ASB3: variants seen among roughly 807,000 people sequenced by gnomAD.
The protein encoded by ASB3 is ankyrin repeat and SOCS box protein 3.
Under a neutral mutation model 54.5 loss-of-function variants are expected in ASB3, and 41 were observed. That is an observed-to-expected ratio of 0.75 (90% CI 0.59 to 0.98). The LOEUF (loss-of-function observed/expected upper bound fraction) is 0.98, where lower values mean the gene tolerates loss of function less well. Among genes scored for constraint, ASB3 ranks in the 50% least tolerant of loss-of-function variants. The probability of loss-of-function intolerance (pLI) is 0.00; values close to 1 mark genes in which losing one functional copy is unlikely to be tolerated. For missense variants in ASB3, 733 were observed against 620.0 expected, an observed-to-expected ratio of 1.18 and a Z score of -1.94; for synonymous variants, 266 against 221.2, an observed-to-expected ratio of 1.20 and a Z score of -1.80.
intron 7 of ASB3, among the ~76,000 whole-genome samples, chr2:53,704,147 G>A (rs1669640106): frequency 6.6e-6 from 1 of 151,996 alleles, no homozygotes; most frequent in Admixed American, 6.6e-5. Flanking sequence ...GATCACTTGA[G>A]GCCAGGAGTT....
chr2:53,711,782 A>AC (rs1332643608), intron 7 of ASB3, among the ~76,000 whole-genome samples: 1 of 151,940 alleles, frequency 6.6e-6, no homozygotes, highest in African/African-American at 2.4e-5. Context: ...AAAAAAAAAA[A>AC]GGAAAAAGAA....
chr2:53,690,911 T>C (rs1359514466), intron 9 of ASB3, among the ~76,000 whole-genome samples: 1 of 152,192 alleles, frequency 6.6e-6, no homozygotes, highest in African/African-American at 2.4e-5. Flanking sequence ...TAGAATTATA[T>C]ATATCTAATC....
At chr2:53,762,192 T>C (rs1673183577) in intron 2 of ASB3, among the ~76,000 whole-genome samples, 1 of 151,904 alleles carries the variant, frequency 6.6e-6, no homozygotes, top group Non-Finnish European at 1.5e-5. Flanking sequence ...TGTGTGTGTG[T>C]GTATACATAC....
chr2:53,697,870 C>T (rs1274013345), intron 8 of ASB3, among the ~76,000 whole-genome samples: 1 of 152,178 alleles, frequency 6.6e-6, no homozygotes, highest in African/African-American at 2.4e-5. Context: ...CAGTCCCACC[C>T]CTATGGCGCC....
At chr2:53,769,677 T>C (rs914983589) in intron 1 of ASB3, among the ~76,000 whole-genome samples, 1 of 151,334 alleles carries the variant, frequency 6.6e-6, no homozygotes, top group Non-Finnish European at 1.5e-5. Flanking sequence ...AGAAACCCCC[T>C]GTCTACTAAA....
chr2:53,678,414 A>G (rs1372703136), intron 9 of ASB3, among the ~76,000 whole-genome samples: 1 of 152,238 alleles, frequency 6.6e-6, no homozygotes, highest in Non-Finnish European at 1.5e-5. Context: ...ATGTTGGTTC[A>G]CTTGTGCTTG....
At chr2:53,713,744 C>T (rs1360413058) in intron 7 of ASB3, among the ~76,000 whole-genome samples, 1 of 152,046 alleles carries the variant, frequency 6.6e-6, no homozygotes, top group Non-Finnish European at 1.5e-5. Flanking sequence ...GAAACCCCAT[C>T]TCTACTAAAA....
chr2:53,766,305 T>G (rs1452817481), intron 1 of ASB3, among the ~76,000 whole-genome samples: 1 of 152,178 alleles, frequency 6.6e-6, no homozygotes, highest in African/African-American at 2.4e-5. Context: ...TCACTTCAAG[T>G]TCCCCTCCAG....
At chr2:53,735,485 T>TAAAAAAAAAAAAAAAAAAAAA (rs11414333) in intron 3 of ASB3, among the ~76,000 whole-genome samples, 1 of 130,058 alleles carries the variant, frequency 7.7e-6, no homozygotes, top group Non-Finnish European at 1.7e-5. Context: ...AGCAAAGATC[T>TAAAAAAAAAAAAAAAAAAAAA]AAAAAAAAAA....
At chr2:53,780,715 C>T (rs1674598565) in intron 1 of ASB3, among the ~76,000 whole-genome samples, 1 of 152,126 alleles carries the variant, frequency 6.6e-6, no homozygotes, top group Non-Finnish European at 1.5e-5. Flanking sequence ...AAGTTCAAGG[C>T]TGCAGTGAGC....
intron 3 of ASB3, among the ~76,000 whole-genome samples, chr2:53,734,690 C>T (rs552921771): frequency 1.3e-5 from 2 of 152,146 alleles, no homozygotes; most frequent in Non-Finnish European, 2.9e-5. Flanking sequence ...TTTTCTCAGC[C>T]TTGAACCTCC....
chr2:53,736,561 T>G (rs541736401), intron 3 of ASB3, among the ~76,000 whole-genome samples: 1 of 151,880 alleles, frequency 6.6e-6, no homozygotes, highest in East Asian at 1.9e-4. Context: ...TAGCCAGGCA[T>G]GTTGGCGGGC....
intron 5 of ASB3, among the ~76,000 whole-genome samples, chr2:53,722,261 G>A (rs1256248034): frequency 6.6e-6 from 1 of 151,170 alleles, no homozygotes; most frequent in Non-Finnish European, 1.5e-5. Context: ...AGAAAAACCA[G>A]TACCAATTCT....
At chr2:53,741,782 A>C (rs1034884135) in intron 3 of ASB3, among the ~76,000 whole-genome samples, 3 of 152,228 alleles carry the variant, frequency 2.0e-5, no homozygotes, top group Non-Finnish European at 4.4e-5. Flanking sequence ...GAAATCATCC[A>C]AAAGCAATTA....
At chr2:53,714,655 A>G (rs1670288774) in intron 6 of ASB3, 74 bp from the exon 7 acceptor site, 1 of 1,491,680 alleles carries the variant, frequency 6.7e-7, no homozygotes, top group African/African-American at 1.4e-5. Context: ...TCTATAGCAC[A>G]ATTTTTTTCA....
At chr2:53,706,895 T>C (rs1365255907) in intron 7 of ASB3, among the ~76,000 whole-genome samples, 7 of 152,242 alleles carry the variant, frequency 4.6e-5, no homozygotes, top group African/African-American at 1.7e-4. Flanking sequence ...CAACCTCTTT[T>C]GCTCAAGTGT....
rs746964548 is a variant in ASB3 at position 53,765,380 on chromosome 2, C to T, written c.193G>A (p.Ala65Thr). 12 of 1,614,078 alleles carry T rather than the reference C, an allele frequency of 7.4e-6. No individual in the cohort carries two copies. In the Admixed American group the frequency reaches 1.7e-4, roughly 22 times the overall value. ...SVECLQMLIN[A>T]DSSENYIKMK... ...CCATACCTTGAATTTACTTTACCTG[C>T]ATTAATTAACATTTGCAAACATTCT... Residue 65 changes from alanine (A) to threonine (T), a missense_variant, in exon 2 of 10, where the codon GCA becomes ACA. Ala to Thr is a moderately conservative substitution (Grantham distance 58, BLOSUM62 0). Transcript: ENST00000263634.
At chr2:53,739,552 G>A (rs922130308) in intron 3 of ASB3, among the ~76,000 whole-genome samples, 10 of 152,150 alleles carry the variant, frequency 6.6e-5, no homozygotes, top group African/African-American at 2.4e-4. Context: ...GTGACTATGA[G>A]TTCTAGGGAA....
chr2:53,691,438 T>C (rs1002025987), intron 9 of ASB3, among the ~76,000 whole-genome samples: 7 of 152,134 alleles, frequency 4.6e-5, no homozygotes, highest in Non-Finnish European at 1.0e-4. Context: ...AAGAAGTATC[T>C]TTTCAAAAAA....
Sources: gnomAD v4.1 joint callset for allele counts (sites outside exome capture counted in the v4.1 genomes callset) on GRCh38, gnomAD v4.1.1 for gene constraint, MANE v1.5 for transcripts, NCBI Gene and HGNC (gene_info 2026-07-23, HGNC 2026-07-21) for gene names.